Variants in DCHS2 observed in about 807,000 individuals in gnomAD.
DCHS2 encodes the protein dachsous cadherin-related 2, also known as protocadherin-23.
Under a neutral mutation model 182.4 loss-of-function variants are expected in DCHS2, and 142 were observed. The ratio of observed to expected loss-of-function variants is 0.78; its 90% confidence interval spans 0.68 to 0.89. DCHS2 has a LOEUF of 0.89. DCHS2 is among the 40% of genes least tolerant of loss of function. DCHS2 has a pLI of 0.00. For missense variants in DCHS2, 4,319 were observed against 4,198.6 expected, an observed-to-expected ratio of 1.03 and a Z score of -0.79; for synonymous variants, 1,740 against 1,663.3, an observed-to-expected ratio of 1.05 and a Z score of -1.12.
intron 1 of DCHS2, among the ~76,000 whole-genome samples, chr4:154,460,059 C>T (rs1413126100): frequency 6.6e-6 from 1 of 152,142 alleles, no homozygotes; most frequent in Non-Finnish European, 1.5e-5. Flanking sequence ...ATCACTGGTA[C>T]ATTTCTACTG....
At position 154,391,796 on chromosome 4, in the gene DCHS2, T is replaced by C. The variant is rs143575204; in HGVS notation, c.2053-14352A>G. On this transcript the variant is annotated intron_variant, in intron 1 of 19. Coordinates refer to ENST00000357232, the MANE Select transcript of DCHS2 (RefSeq NM_001358235.2). ...CTCCATCAATGTGAACAGCAGGAGA[T>C]GAAGGCGATGGGCCACGTGATGGCC... Among the ~76,000 whole-genome samples the C allele has an allele frequency of 4.0e-3, 613 of 152,288 alleles. 3 individuals are homozygous for C. Among genetic ancestry groups the C allele is most frequent in the African/African-American group, 0.014 (586 of 41,558 alleles).
intron 1 of DCHS2, among the ~76,000 whole-genome samples, chr4:154,397,260 A>G (rs17031566): frequency 0.19 from 28,836 of 152,168 alleles, 2,810 homozygotes; most frequent in East Asian, 0.28. Context: ...ATTTGTCAAA[A>G]TCTATTTCAT....
At chr4:154,276,365 ACT>A (rs1174722959) in intron 13 of DCHS2, among the ~76,000 whole-genome samples, 5 of 152,010 alleles carry the variant, frequency 3.3e-5, no homozygotes, top group African/African-American at 1.2e-4. Context: ...GAGTTAAAAA[ACT>A]CTGACCGCTC....
rs181383730 is a variant in DCHS2 at position 154,268,682 on chromosome 4, T to C, written c.6577+1218A>G. On this transcript the variant is annotated intron_variant, in intron 14 of 19. Transcript: ENST00000357232. ...GTGGCATGTGTATGGGTTTTTATTT[T>C]ACTATTGTCCATTAAACAGTCTTAC... Among the ~76,000 whole-genome samples the C allele has an allele frequency of 2.9e-3, 448 of 152,304 alleles. 2 individuals carry two copies. The highest frequency in any genetic ancestry group is 0.01 in the African/African-American group (431 of 41,550).
intron 1 of DCHS2, among the ~76,000 whole-genome samples, chr4:154,448,891 G>T (rs1734413713): frequency 6.6e-6 from 1 of 152,108 alleles, no homozygotes; most frequent in Non-Finnish European, 1.5e-5. Context: ...CTCACACATT[G>T]CCATATGCCA....
At chr4:154,301,986 C>A (rs1357561163) in intron 12 of DCHS2, among the ~76,000 whole-genome samples, 2 of 152,084 alleles carry the variant, frequency 1.3e-5, no homozygotes. Flanking sequence ...TAATAACAAT[C>A]TAATATAATT....
intron 13 of DCHS2, among the ~76,000 whole-genome samples, chr4:154,274,480 T>C (rs1453990493): frequency 6.6e-6 from 1 of 152,194 alleles, no homozygotes; most frequent in Admixed American, 6.5e-5. Flanking sequence ...CCTGCTTAAA[T>C]TGGACTAAGT....
chr4:154,287,904 A>G (rs1045782290), intron 13 of DCHS2, among the ~76,000 whole-genome samples: 1 of 151,996 alleles, frequency 6.6e-6, no homozygotes, highest in Admixed American at 6.6e-5. Context: ...CCGCATGGTA[A>G]CCTCAAATCA....
At chr4:154,434,554 A>G (rs1425625396) in intron 1 of DCHS2, among the ~76,000 whole-genome samples, 1 of 152,200 alleles carries the variant, frequency 6.6e-6, no homozygotes, top group Non-Finnish European at 1.5e-5. Context: ...GGTGGAATAC[A>G]GAAAATTTCC....
At chr4:154,297,187 A>C (rs934266645) in intron 13 of DCHS2, among the ~76,000 whole-genome samples, 2 of 152,186 alleles carry the variant, frequency 1.3e-5, no homozygotes, top group Non-Finnish European at 2.9e-5. Flanking sequence ...TGGATTAATT[A>C]CATCTAGTCA....
In DCHS2 at chr4:154,259,676, T is replaced by C; in HGVS notation, c.6658A>G (p.Ser2220Gly). Residue 2220 changes from serine (S) to glycine (G), a missense_variant, in exon 15 of 20, where the codon AGT (serine) becomes GGT (glycine). Physicochemically the swap from Ser to Gly is moderately conservative, Grantham distance 56. Transcript: ENST00000357232. ...EVQLIVLAES[S>G]GHRAYCKVAV... ...ACTTTGCAATAGGCTCTATGCCCAC[T>C]ACTTTCAGCTAAAACGATGAGTTGA... 1 of 1,614,120 alleles carries C rather than the reference T, an allele frequency of 6.2e-7. No homozygotes were observed. The highest frequency in any genetic ancestry group is 8.5e-7 in the Non-Finnish European group (1 of 1,180,018).
chr4:154,471,395 A>G (rs548844260), intron 1 of DCHS2, among the ~76,000 whole-genome samples: 163 of 152,318 alleles, frequency 1.1e-3, no homozygotes, highest in Non-Finnish European at 2.0e-3. Flanking sequence ...ATATCACAGC[A>G]TGAGGGCAAC....
chr4:154,487,043 G>A (rs1040008761), intron 1 of DCHS2, among the ~76,000 whole-genome samples: 3 of 152,104 alleles, frequency 2.0e-5, no homozygotes, highest in Admixed American at 6.5e-5. Flanking sequence ...ATCATCTCAC[G>A]ATGATAGAAA....
chr4:154,398,447 C>A (rs552184892), intron 1 of DCHS2, among the ~76,000 whole-genome samples: 94 of 152,278 alleles, frequency 6.2e-4, no homozygotes, highest in Middle Eastern at 6.8e-3. Flanking sequence ...TTCCTTCCAA[C>A]TTCCCTGTCT....
chr4:154,373,958 GA>G, intron 2 of DCHS2: 1 of 1,486,562 alleles, frequency 6.7e-7, no homozygotes, highest in Non-Finnish European at 9.1e-7. Context: ...TGCTCATCCT[GA>G]AAACAATGAA....
Position 154,298,446 on chromosome 4 carries a change from T to A in DCHS2, c.5868A>T (p.Ser1956=). The A allele has an allele frequency of 1.2e-6, 2 of 1,614,160 alleles. No individual in the cohort carries two copies. Among genetic ancestry groups the A allele is most frequent in the Non-Finnish European group, 1.7e-6 (2 of 1,180,016 alleles). Residue 1956 remains serine (S), a synonymous_variant, in exon 13 of 20, where the codon TCA becomes TCT. Coordinates refer to ENST00000357232, the MANE Select transcript of DCHS2 (RefSeq NM_001358235.2). ...TCAGGCCTTCATCCTTGTCCACAGC[T>A]GAAAGCACAAGAACCACTGTTCCCA... ...AEVGTVVLVL[S]AVDKDEGLNG...
intron 3 of DCHS2, among the ~76,000 whole-genome samples, chr4:154,344,761 C>T (rs78024750): frequency 0.022 from 3,418 of 152,202 alleles, 109 homozygotes; most frequent in African/African-American, 0.075. Context: ...TCCACAGTTC[C>T]GAGGCATCCC....
intron 3 of DCHS2, among the ~76,000 whole-genome samples, chr4:154,342,888 T>C (rs1490016323): frequency 2.0e-5 from 3 of 152,206 alleles, no homozygotes; most frequent in African/African-American, 7.2e-5. Flanking sequence ...CCCAAATATA[T>C]CAGAGGACTC....
chr4:154,459,880 C>A (rs1233952657), intron 1 of DCHS2, among the ~76,000 whole-genome samples: 2 of 152,062 alleles, frequency 1.3e-5, no homozygotes, highest in East Asian at 3.9e-4. Context: ...AATGTACCCA[C>A]TTAACCCAAC....
Sources: allele counts gnomAD v4.1 joint callset (sites outside exome capture counted in the v4.1 genomes callset), GRCh38; gene constraint gnomAD v4.1.1; transcripts MANE v1.5; gene names NCBI Gene and HGNC (gene_info 2026-07-23, HGNC 2026-07-21).